KIAA1328: variants seen among roughly 807,000 people sequenced by gnomAD.
KIAA1328 encodes KIAA1328.
Under a neutral mutation model 68.1 loss-of-function variants are expected in KIAA1328, and 52 were observed. The ratio of observed to expected loss-of-function variants is 0.76; its 90% CI spans 0.61 to 0.96. The LOEUF (loss-of-function observed/expected upper bound fraction) is 0.96, where lower values mean the gene tolerates loss of function less well. Among genes scored for constraint, KIAA1328 ranks in the 40% least tolerant of loss-of-function variants. The pLI, the probability that KIAA1328 is intolerant of heterozygous loss-of-function variation, is 0.00. For synonymous variants in KIAA1328, 232 were observed against 239.4 expected (o/e 0.97, Z 0.28); for missense variants, 641 against 677.6 (o/e 0.95, Z 0.60).
chr18:36,838,555 T>C (rs571003439), intron 3 of KIAA1328, among the ~76,000 whole-genome samples: 2 of 152,356 alleles, frequency 1.3e-5, no homozygotes, highest in East Asian at 3.9e-4. Context: ...GAGTTGATAG[T>C]TTTATTCATT....
chr18:36,999,226 A>G (rs1356814216), intron 6 of KIAA1328, among the ~76,000 whole-genome samples: 1 of 152,216 alleles, frequency 6.6e-6, no homozygotes, highest in Non-Finnish European at 1.5e-5. Flanking sequence ...ATCTAGTCAG[A>G]TAAAAATAAA....
At chr18:36,992,431 C>T (rs1236859583) in intron 6 of KIAA1328, among the ~76,000 whole-genome samples, 2 of 147,484 alleles carry the variant, frequency 1.4e-5, no homozygotes, top group East Asian at 4.0e-4. Context: ...GGCAAAGGTC[C>T]AATTTCTTTT....
chr18:36,861,072 CA>C, intron 4 of KIAA1328, among the ~76,000 whole-genome samples: 1 of 152,130 alleles, frequency 6.6e-6, no homozygotes, highest in East Asian at 1.9e-4. Flanking sequence ...TTTTTGTAAA[CA>C]AATATGTTCT....
intron 5 of KIAA1328, among the ~76,000 whole-genome samples, chr18:36,922,802 C>T (rs1281876619): frequency 1.3e-5 from 2 of 151,896 alleles, no homozygotes; most frequent in Non-Finnish European, 2.9e-5. Flanking sequence ...ATGAGATATT[C>T]GAGTTTCATT....
chr18:37,222,130 T>C lies in KIAA1328; in HGVS notation c.1637T>C (p.Leu546Pro), dbSNP rs753066695. The stretch of plus-strand genomic sequence containing the variant: ...GCCTGGAATCATGGTACTTTCCGAC[T>C]CAGTCCTCTAAAATCAACCCGGAAG... ...AGAWNHGTFR[L>P]SPLKSTRKKM... is the part of the protein sequence containing the mutation. Residue 546 changes from leucine (L) to proline (P), a missense_variant, in exon 10 of 10, where the codon CTC becomes CCC. Leu to Pro is a moderately conservative substitution (Grantham distance 98). Transcript: ENST00000280020. The C allele has an allele frequency of 6.2e-7, 1 of 1,612,338 alleles. No individual in the cohort carries two copies. Among genetic ancestry groups the C allele is most frequent in the Non-Finnish European group, 8.5e-7 (1 of 1,179,178 alleles).
At chr18:37,111,878 C>T (rs1482176191) in intron 7 of KIAA1328, among the ~76,000 whole-genome samples, 3 of 152,292 alleles carry the variant, frequency 2.0e-5, no homozygotes, top group South Asian at 2.1e-4. Flanking sequence ...GATTATATCC[C>T]GTGCCTGGCT....
At chr18:37,117,262 G>T (rs1421216454) in intron 7 of KIAA1328, among the ~76,000 whole-genome samples, 1 of 152,160 alleles carries the variant, frequency 6.6e-6, no homozygotes, top group African/African-American at 2.4e-5. Context: ...ATCAGTGATA[G>T]ACTGGATTAA....
At chr18:36,986,161 G>GT (rs140633181) in intron 6 of KIAA1328, among the ~76,000 whole-genome samples, 4,062 of 145,272 alleles carry the variant, frequency 0.028, 69 homozygotes, top group Middle Eastern at 0.079. Flanking sequence ...TTCACAGCAG[G>GT]TTTTTTTTTT....
chr18:37,002,933 T>C (rs2053643441), intron 6 of KIAA1328, among the ~76,000 whole-genome samples: 1 of 152,130 alleles, frequency 6.6e-6, no homozygotes, highest in South Asian at 2.1e-4. Context: ...GACTTTAAAA[T>C]ATATTGTAAG....
intron 5 of KIAA1328, among the ~76,000 whole-genome samples, chr18:36,911,882 T>C (rs181467016): frequency 2.6e-5 from 4 of 152,236 alleles, no homozygotes; most frequent in African/African-American, 9.6e-5. Flanking sequence ...CAGAAAGAGC[T>C]CCTTGACATT....
At chr18:36,937,387 G>T (rs1312579228) in intron 5 of KIAA1328, among the ~76,000 whole-genome samples, 6 of 152,184 alleles carry the variant, frequency 3.9e-5, no homozygotes, top group Non-Finnish European at 8.8e-5. Flanking sequence ...AAGAGCTTCT[G>T]CACAGCAAAG....
intron 7 of KIAA1328, among the ~76,000 whole-genome samples, chr18:37,106,042 A>G (rs943948798): frequency 6.6e-6 from 1 of 151,892 alleles, no homozygotes; most frequent in Admixed American, 6.6e-5. Flanking sequence ...CCTAGGTAAC[A>G]TACATCCACA....
At chr18:36,953,222 T>C in intron 5 of KIAA1328, among the ~76,000 whole-genome samples, 1 of 147,148 alleles carries the variant, frequency 6.8e-6, no homozygotes, top group South Asian at 2.1e-4. Context: ...TAAACATAAT[T>C]ATTAAATTAT....
At chr18:36,922,629 A>G (rs10502668) in intron 5 of KIAA1328, among the ~76,000 whole-genome samples, 15,820 of 152,172 alleles carry the variant, frequency 0.1, 1,073 homozygotes, top group Non-Finnish European at 0.13. Flanking sequence ...GCCATTCTGA[A>G]TTGGTTACTA....
chr18:37,120,954 G>T (rs991012157), intron 7 of KIAA1328, among the ~76,000 whole-genome samples: 1 of 152,102 alleles, frequency 6.6e-6, no homozygotes, highest in Non-Finnish European at 1.5e-5. Context: ...GTGGGCAAAA[G>T]CACTGCCAGG....
rs545467915 is a variant in KIAA1328, at chr18:37,088,700, C to T, written c.1232+21155C>T. Among the ~76,000 whole-genome samples, 261 of 151,838 alleles carry T rather than the reference C, an allele frequency of 1.7e-3. 1 individual carries two copies. Among genetic ancestry groups the T allele is most frequent in the African/African-American group, 5.6e-3 (231 of 41,460 alleles). ...GAAGAAAATAAAATATACCTATAAT[C>T]TCATCATCTGGAGGTAATCTTTGTA... On this transcript the variant is annotated intron_variant, in intron 7 of 9. Transcript: ENST00000280020.
At chr18:37,071,585 G>C (rs1337440222) in intron 7 of KIAA1328, among the ~76,000 whole-genome samples, 1 of 152,112 alleles carries the variant, frequency 6.6e-6, no homozygotes. Context: ...ATGTAGAGAT[G>C]ATATAAATTA....
At chr18:37,047,431 C>T (rs982900015) in intron 6 of KIAA1328, among the ~76,000 whole-genome samples, 1 of 152,162 alleles carries the variant, frequency 6.6e-6, no homozygotes, top group Non-Finnish European at 1.5e-5. Flanking sequence ...GGCACTGACA[C>T]CATTTTTATA....
chr18:37,194,231 A>G lies in KIAA1328; in HGVS notation c.1523+21150A>G, dbSNP rs568521430. Among the ~76,000 whole-genome samples, 5 of 152,346 alleles carry G rather than the reference A, an allele frequency of 3.3e-5. No homozygotes were observed. In the South Asian group the frequency reaches 1.0e-3, roughly 32 times the overall value. On this transcript the variant is annotated intron_variant, in intron 9 of 9. Transcript: ENST00000280020. Reference sequence around the variant, plus strand: ...CCGTACAACTCATGTATCATCTACAATATTTGAAAGTGTCTATTTTCTGAC... The same window carrying G: ...CCGTACAACTCATGTATCATCTACAGTATTTGAAAGTGTCTATTTTCTGAC...
Sources: gnomAD v4.1 joint callset for allele counts (sites outside exome capture counted in the v4.1 genomes callset) on GRCh38, gnomAD v4.1.1 for gene constraint, MANE v1.5 for transcripts, NCBI Gene and HGNC (gene_info 2026-07-23, HGNC 2026-07-21) for gene names.